RBFOX1: variants seen among roughly 807,000 people sequenced by gnomAD.
RBFOX1 encodes RNA binding protein fox-1 homolog 1.
In RBFOX1, 8 loss-of-function variants were observed where a neutral mutation model predicts 57.7. The ratio of observed to expected loss-of-function variants is 0.14; its 90% CI spans 0.08 to 0.25. RBFOX1 has a LOEUF of 0.25. RBFOX1 is among the 10% of genes least tolerant of loss of function. The pLI is 1.00. For synonymous variants in RBFOX1, 326 were observed against 222.4 expected, an observed-to-expected ratio of 1.47 and a Z score of -4.15; for missense variants, 611 against 548.5, an observed-to-expected ratio of 1.11 and a Z score of -1.14.
intron 4 of RBFOX1, among the ~76,000 whole-genome samples, chr16:7,334,811 A>C (rs1156516899): frequency 6.6e-6 from 1 of 152,212 alleles, no homozygotes; most frequent in East Asian, 1.9e-4. Flanking sequence ...AGCATTTGAG[A>C]AACATAGCCA....
intron 12 of RBFOX1, among the ~76,000 whole-genome samples, chr16:7,663,488 G>A (rs1327858002): frequency 1.3e-5 from 2 of 148,382 alleles, no homozygotes; most frequent in Non-Finnish European, 3.0e-5. Flanking sequence ...ACAGCTGCGT[G>A]TGTGTGTCAG....
chr16:7,105,288 A>ATT (rs58447850), intron 4 of RBFOX1, among the ~76,000 whole-genome samples: 4 of 138,228 alleles, frequency 2.9e-5, no homozygotes, highest in African/African-American at 1.1e-4. Context: ...ATATGGTCTG[A>ATT]TTTTTTTTTT....
chr16:5,485,435 A>T (rs1348795372), intron 2 of RBFOX1, among the ~76,000 whole-genome samples: 1 of 133,882 alleles, frequency 7.5e-6, no homozygotes, highest in Non-Finnish European at 1.7e-5. Context: ...AAGAGGTGAG[A>T]TCATCAGTAC....
chr16:7,338,664 A>T (rs1174925666), intron 4 of RBFOX1, among the ~76,000 whole-genome samples: 3 of 152,224 alleles, frequency 2.0e-5, no homozygotes, highest in Non-Finnish European at 4.4e-5. Context: ...AAACCAGCGT[A>T]TGTATTTTAT....
chr16:6,122,792 A>ATGTGTG (rs1377137384), intron 1 of RBFOX1, among the ~76,000 whole-genome samples: 9 of 101,524 alleles, frequency 8.9e-5, no homozygotes, highest in South Asian at 6.5e-4. Context: ...CTGTGTGGCT[A>ATGTGTG]TGTGTGTGTA....
chr16:6,020,787 C>A (rs145287682), intron 1 of RBFOX1, among the ~76,000 whole-genome samples: 17 of 152,270 alleles, frequency 1.1e-4, no homozygotes, highest in Non-Finnish European at 1.9e-4. Context: ...ATCTCCCCAC[C>A]GCCCAGGAGG....
intron 1 of RBFOX1, among the ~76,000 whole-genome samples, chr16:5,428,748 C>T (rs764239627): frequency 2.0e-5 from 3 of 152,058 alleles, no homozygotes; most frequent in Non-Finnish European, 1.5e-5. Context: ...CAGGAGGTTT[C>T]TGGGTTGGAG....
intron 4 of RBFOX1, among the ~76,000 whole-genome samples, chr16:5,992,812 T>C (rs940406159): frequency 3.3e-5 from 5 of 152,142 alleles, no homozygotes; most frequent in Admixed American, 2.6e-4. Context: ...CAGGTGCCTG[T>C]AATCCCAGCT....
In RBFOX1 at chr16:5,740,992, A is replaced by C. The variant is rs139817392; in HGVS notation, c.319-126311A>C. Among the ~76,000 whole-genome samples the C allele has an allele frequency of 4.5e-3, 687 of 152,216 alleles. 4 individuals are homozygous for C. The highest frequency in any genetic ancestry group is 0.016 in the African/African-American group (649 of 41,526). ...GATGGTCCTTAAAATAGGTTAAAGGAGGCAGGTGGTAAAAAATTAAAAAAT... is the reference window on the plus strand; with the variant it reads ...GATGGTCCTTAAAATAGGTTAAAGGCGGCAGGTGGTAAAAAATTAAAAAAT... On this transcript the variant is annotated intron_variant, in intron 3 of 19. Coordinates refer to the RBFOX1 transcript ENST00000641259.
intron 5 of RBFOX1, among the ~76,000 whole-genome samples, chr16:7,550,048 G>A (rs562597134): frequency 3.9e-5 from 6 of 152,144 alleles, no homozygotes; most frequent in African/African-American, 1.4e-4. Flanking sequence ...TCCCACCTCA[G>A]CCTCCCTAGT....
intron 3 of RBFOX1, among the ~76,000 whole-genome samples, chr16:6,664,181 G>A (rs1413520800): frequency 1.3e-5 from 2 of 152,110 alleles, no homozygotes; most frequent in South Asian, 2.1e-4. Flanking sequence ...CAAGGAATGG[G>A]ACAAAGAGAT....
intron 2 of RBFOX1, among the ~76,000 whole-genome samples, chr16:6,504,310 T>A (rs535607655): frequency 6.6e-6 from 1 of 152,332 alleles, no homozygotes; most frequent in East Asian, 1.9e-4. Flanking sequence ...CACCAGTGCA[T>A]CCAGCTTCAA....
chr16:5,611,643 C>G (rs980181432), intron 3 of RBFOX1, among the ~76,000 whole-genome samples: 1 of 152,090 alleles, frequency 6.6e-6, no homozygotes, highest in Admixed American at 6.5e-5. Flanking sequence ...TCCAGCCACT[C>G]TCCTATCCAT....
At chr16:6,748,993 T>A (rs2074363523) in intron 3 of RBFOX1, 1 of 152,136 alleles carries the variant, frequency 6.6e-6, no homozygotes, top group African/African-American at 2.4e-5. Flanking sequence ...AATAAAAATA[T>A]TTTTGAAAGG....
chr16:7,689,078 A>G (rs2076764061), intron 14 of RBFOX1, among the ~76,000 whole-genome samples: 1 of 152,104 alleles, frequency 6.6e-6, no homozygotes. Context: ...GTCATCTACA[A>G]GACGAGGATA....
intron 1 of RBFOX1, among the ~76,000 whole-genome samples, chr16:5,451,588 A>G (rs933697254): frequency 6.6e-6 from 1 of 152,238 alleles, no homozygotes; most frequent in Non-Finnish European, 1.5e-5. Flanking sequence ...TAGAAAGAGC[A>G]GATAGAAACA....
intron 3 of RBFOX1, among the ~76,000 whole-genome samples, chr16:6,821,892 G>T (rs2091369420): frequency 6.6e-6 from 1 of 152,166 alleles, no homozygotes; most frequent in African/African-American, 2.4e-5. Context: ...GCATGAAATT[G>T]CTAGGTCATA....
intron 3 of RBFOX1, among the ~76,000 whole-genome samples, chr16:5,607,653 C>T (rs1357639712): frequency 1.3e-5 from 2 of 152,128 alleles, no homozygotes; most frequent in African/African-American, 4.8e-5. Flanking sequence ...ATGAAAGTGT[C>T]AGCTCTGTTG....
intron 3 of RBFOX1, among the ~76,000 whole-genome samples, chr16:6,762,693 A>C (rs767038850): frequency 2.6e-5 from 4 of 152,182 alleles, no homozygotes; most frequent in African/African-American, 4.8e-5. Context: ...TTTGGGCCCC[A>C]GTGATTTGCT....
Sources: allele counts gnomAD v4.1 joint callset (sites outside exome capture counted in the v4.1 genomes callset), GRCh38; gene constraint gnomAD v4.1.1; transcripts MANE v1.5; gene names NCBI Gene and HGNC (gene_info 2026-07-23, HGNC 2026-07-21).